Variants in PAWR observed in about 807,000 individuals in gnomAD.
The protein encoded by PAWR is pro-apoptotic WT1 regulator.
Under a neutral mutation model 32.0 loss-of-function variants are expected in PAWR, and 23 were observed. The observed-to-expected ratio is 0.72, with a 90% CI of 0.52 to 1.02. PAWR has a LOEUF of 1.02. Among genes scored for constraint, PAWR ranks in the 50% least tolerant of loss-of-function variants. PAWR has a pLI of 0.00. For missense variants in PAWR, 457 were observed against 437.7 expected (o/e 1.04, Z -0.39); for synonymous variants, 226 against 187.1 (o/e 1.21, Z -1.70).
chr12:79,638,163 T>C (rs758920317), intron 2 of PAWR, among the ~76,000 whole-genome samples: 1 of 152,052 alleles, frequency 6.6e-6, no homozygotes, highest in Non-Finnish European at 1.5e-5. Context: ...ACTGCCAATA[T>C]TGCCCCAGAA....
chr12:79,655,215 A>C, intron 2 of PAWR, among the ~76,000 whole-genome samples: 1 of 152,216 alleles, frequency 6.6e-6, no homozygotes, highest in Middle Eastern at 3.2e-3. Context: ...CAAGAGCCTC[A>C]GGTGATTCGT....
intron 2 of PAWR, among the ~76,000 whole-genome samples, chr12:79,682,405 A>G (rs772749135): frequency 6.6e-6 from 1 of 152,188 alleles, no homozygotes; most frequent in African/African-American, 2.4e-5. Context: ...CTATCTGTTC[A>G]CTTCAGCAAA....
At position 79,592,475 on chromosome 12, in the gene PAWR, C is replaced by T. The variant is rs1241600991; in HGVS notation, c.*132G>A. On this transcript the variant is annotated 3_prime_UTR_variant, in exon 7 of 7. Transcript: ENST00000328827. ...AAAGAAGTATTTTGAAAACAAACATCTGTTTGCTAGAAATAAATATACTTG... is the reference window on the plus strand; with the variant it reads ...AAAGAAGTATTTTGAAAACAAACATTTGTTTGCTAGAAATAAATATACTTG... 1 of 534,424 alleles carries T rather than the reference C, an allele frequency of 1.9e-6. No homozygotes were observed. The highest frequency in any genetic ancestry group is 4.0e-5 in the Admixed American group (1 of 25,128). 33.1% of individuals were successfully genotyped at this position (534,424 alleles called of 1,614,324 possible). A position where few individuals can be genotyped will look rare whatever the true frequency, so the allele number is the denominator to read the frequency against.
At chr12:79,654,925 T>C (rs1877024287) in intron 2 of PAWR, among the ~76,000 whole-genome samples, 2 of 152,218 alleles carry the variant, frequency 1.3e-5, no homozygotes, top group Non-Finnish European at 2.9e-5. Context: ...CAGAGGGAGT[T>C]ACCACTTGGG....
At chr12:79,642,577 CTG>C (rs1876377425) in intron 2 of PAWR, among the ~76,000 whole-genome samples, 2 of 152,058 alleles carry the variant, frequency 1.3e-5, no homozygotes, top group South Asian at 2.1e-4. Flanking sequence ...GGCCTTTTTT[CTG>C]TGTGTGTGCA....
intron 2 of PAWR, among the ~76,000 whole-genome samples, chr12:79,645,511 T>C (rs1248371134): frequency 2.0e-5 from 3 of 152,184 alleles, no homozygotes; most frequent in African/African-American, 4.8e-5. Context: ...TAGTATACTC[T>C]ATTTACAAAT....
At position 79,689,721 on chromosome 12, in the gene PAWR, C is replaced by T. The variant is rs753533894; in HGVS notation, c.516+8G>A. On this transcript the variant is annotated splice_region_variant and intron_variant, in intron 2 of 6. Transcript: ENST00000328827. ...GCCCGGTCCGGCTGCGGCCCCCGCCCGGCTCACCTCTGCGGCAGGGATGTT... is the reference window on the plus strand; with the variant it reads ...GCCCGGTCCGGCTGCGGCCCCCGCCTGGCTCACCTCTGCGGCAGGGATGTT... The T allele has an allele frequency of 1.3e-6, 2 of 1,543,786 alleles. No individual in the cohort carries two copies. Among genetic ancestry groups the T allele is most frequent in the Non-Finnish European group, 8.7e-7 (1 of 1,148,738 alleles).
At chr12:79,632,376 T>TTA (rs1227781258) in intron 2 of PAWR, among the ~76,000 whole-genome samples, 10 of 115,364 alleles carry the variant, frequency 8.7e-5, no homozygotes, top group Admixed American at 5.6e-4. Flanking sequence ...TTTTTTTTTT[T>TTA]AGACAGGGTC....
chr12:79,640,416 C>A (rs1876263858), intron 2 of PAWR, among the ~76,000 whole-genome samples: 1 of 152,072 alleles, frequency 6.6e-6, no homozygotes, highest in Non-Finnish European at 1.5e-5. Context: ...CCTTTATGAC[C>A]AAGAAAGACT....
intron 2 of PAWR, among the ~76,000 whole-genome samples, chr12:79,671,595 G>C (rs772136655): frequency 1.3e-5 from 2 of 152,148 alleles, no homozygotes; most frequent in Non-Finnish European, 2.9e-5. Context: ...TCTTTAGCTT[G>C]TTGATGTGTT....
chr12:79,675,408 C>A (rs1325885162), intron 2 of PAWR, among the ~76,000 whole-genome samples: 1 of 152,020 alleles, frequency 6.6e-6, no homozygotes, highest in East Asian at 1.9e-4. Context: ...TAAAATAAAT[C>A]ATTCTACCAT....
intron 3 of PAWR, among the ~76,000 whole-genome samples, chr12:79,615,327 A>G (rs1874676151): frequency 1.3e-5 from 2 of 152,170 alleles, no homozygotes; most frequent in Admixed American, 1.3e-4. Context: ...TGCAATAAAT[A>G]TATATTGACA....
intron 4 of PAWR, among the ~76,000 whole-genome samples, chr12:79,601,727 A>G (rs185799922): frequency 6.6e-6 from 1 of 152,306 alleles, no homozygotes; most frequent in African/African-American, 2.4e-5. Context: ...TATTTTAAAT[A>G]AAATATTGAA....
chr12:79,604,813 A>G, intron 4 of PAWR: 1 of 485,622 alleles, frequency 2.1e-6, no homozygotes, highest in East Asian at 9.3e-5. Flanking sequence ...ACTCTTTATT[A>G]AAATTGATAC....
chr12:79,659,202 G>C (rs974184184), intron 2 of PAWR, among the ~76,000 whole-genome samples: 2 of 151,846 alleles, frequency 1.3e-5, no homozygotes, highest in African/African-American at 4.8e-5. Flanking sequence ...GCTAAGGCAG[G>C]AGAATCGCTT....
intron 2 of PAWR, among the ~76,000 whole-genome samples, chr12:79,651,012 G>A (rs982140966): frequency 2.6e-5 from 4 of 152,136 alleles, no homozygotes; most frequent in Non-Finnish European, 5.9e-5. Context: ...ATTTTTCATT[G>A]TATTAAAGCA....
At chr12:79,670,182 G>T (rs1363526280) in intron 2 of PAWR, among the ~76,000 whole-genome samples, 1 of 152,104 alleles carries the variant, frequency 6.6e-6, no homozygotes, top group Non-Finnish European at 1.5e-5. Context: ...ATTTTAAAAA[G>T]CCATGTAAAC....
At chr12:79,655,111 T>C (rs1877034166) in intron 2 of PAWR, among the ~76,000 whole-genome samples, 1 of 152,220 alleles carries the variant, frequency 6.6e-6, no homozygotes. Flanking sequence ...GCATCTCTTT[T>C]AGTTTTCTAA....
At position 79,643,144 on chromosome 12, in the gene PAWR, C is replaced by T. The variant is rs75947350; in HGVS notation, c.517-21937G>A. On this transcript the variant is annotated intron_variant, in intron 2 of 6. Coordinates refer to ENST00000328827, the MANE Select transcript of PAWR (RefSeq NM_002583.4). The stretch of plus-strand genomic sequence containing the variant: ...AACAAGAACCACCATTTATCTTTTA[C>T]TCACTAGTACCTTCAATGTGTGTGG... Among the ~76,000 whole-genome samples, 13 of 152,202 alleles carry T rather than the reference C, an allele frequency of 8.5e-5. No homozygotes were observed. The East Asian group carries it at 2.5e-3, about 29-fold the overall frequency.
Sources: gnomAD v4.1 joint callset for allele counts (sites outside exome capture counted in the v4.1 genomes callset) on GRCh38, gnomAD v4.1.1 for gene constraint, MANE v1.5 for transcripts, NCBI Gene and HGNC (gene_info 2026-07-23, HGNC 2026-07-21) for gene names.